Variants in NBAS observed in about 807,000 individuals in gnomAD.
NBAS encodes NBAS subunit of NRZ tethering complex, also known as NAG/BC035112 fusion.
NBAS carries 219 observed loss-of-function variants against 302.5 expected under a neutral mutation model. The observed-to-expected ratio is 0.72, with a 90% confidence interval of 0.65 to 0.81. The LOEUF (loss-of-function observed/expected upper bound fraction) is 0.81, where lower values mean the gene tolerates loss of function less well. Ranked by LOEUF, NBAS falls within the 30% of genes least tolerant of loss-of-function variation. NBAS has a pLI of 0.00. For synonymous variants in NBAS, 1,118 were observed against 1,021.6 expected, an observed-to-expected ratio of 1.09 and a Z score of -1.80; for missense variants, 2,932 against 2,841.6, an observed-to-expected ratio of 1.03 and a Z score of -0.72.
intron 11 of NBAS, among the ~76,000 whole-genome samples, chr2:15,491,461 G>A (rs576640972): frequency 6.6e-6 from 1 of 152,312 alleles, no homozygotes; most frequent in South Asian, 2.1e-4. Context: ...GGTTGGCCAG[G>A]CGCAGTGGCT....
At chr2:15,002,304 A>C in the NBAS span, among the ~76,000 whole-genome samples, 5 of 152,156 alleles carry the variant, frequency 3.3e-5, no homozygotes, top group African/African-American at 9.7e-5. Context: ...GCCCCACCAG[A>C]GTAGCTAGAT....
At chr2:15,315,590 T>C (rs1316650110) in intron 38 of NBAS, among the ~76,000 whole-genome samples, 2 of 152,226 alleles carry the variant, frequency 1.3e-5, no homozygotes, top group African/African-American at 2.4e-5. Flanking sequence ...CTCAGCCAGC[T>C]GTTTCTGGCC....
the NBAS span, among the ~76,000 whole-genome samples, chr2:15,153,186 C>G: frequency 6.6e-6 from 1 of 152,242 alleles, no homozygotes; most frequent in Non-Finnish European, 1.5e-5. Context: ...TGTCAAAAAT[C>G]TACCCATGAT....
the NBAS span, among the ~76,000 whole-genome samples, chr2:14,871,941 G>T: frequency 6.6e-6 from 1 of 152,046 alleles, no homozygotes; most frequent in Admixed American, 6.6e-5. Flanking sequence ...TGTAGACAGA[G>T]ATTGTCAAAT....
chr2:15,483,725 TACTC>T (rs1462444710), intron 12 of NBAS, among the ~76,000 whole-genome samples: 1 of 152,086 alleles, frequency 6.6e-6, no homozygotes, highest in African/African-American at 2.4e-5. Flanking sequence ...ACAGAGAAAA[TACTC>T]AATCACACAA....
the NBAS span, chr2:14,890,545 C>T: frequency 6.6e-6 from 1 of 152,176 alleles, no homozygotes; most frequent in South Asian, 2.1e-4. Flanking sequence ...AGGCCAGGCA[C>T]AGTGGCTCAT....
intron 41 of NBAS, among the ~76,000 whole-genome samples, chr2:15,290,608 C>T (rs1670264058): frequency 6.6e-6 from 1 of 152,168 alleles, no homozygotes; most frequent in Non-Finnish European, 1.5e-5. Context: ...CAAAAGCATA[C>T]TGGACTTAAG....
chr2:15,217,595 C>A (rs933059014), intron 48 of NBAS, among the ~76,000 whole-genome samples: 7 of 152,204 alleles, frequency 4.6e-5, no homozygotes. Flanking sequence ...CTGGGAAGTC[C>A]TAATTTGTAA....
chr2:14,780,508 A>G, the NBAS span, among the ~76,000 whole-genome samples: 1 of 152,274 alleles, frequency 6.6e-6, no homozygotes, highest in Non-Finnish European at 1.5e-5. Context: ...AAACATAAGC[A>G]TAAAAGTTCT....
At chr2:15,100,409 CAT>C in the NBAS span, among the ~76,000 whole-genome samples, 58 of 152,172 alleles carry the variant, frequency 3.8e-4, no homozygotes, top group Non-Finnish European at 1.0e-4. Flanking sequence ...GGCAAAGAAA[CAT>C]AAGCTGCGGG....
At chr2:15,040,510 A>T in the NBAS span, among the ~76,000 whole-genome samples, 1 of 152,198 alleles carries the variant, frequency 6.6e-6, no homozygotes, top group Non-Finnish European at 1.5e-5. Flanking sequence ...AAAAAAATCA[A>T]AGGAAAAGCT....
the NBAS span, among the ~76,000 whole-genome samples, chr2:14,811,417 A>C: frequency 6.6e-5 from 10 of 152,184 alleles, no homozygotes; most frequent in African/African-American, 2.4e-4. Context: ...CTCTAGAAAA[A>C]AAAAGAATAA....
chr2:15,056,089 G>A, the NBAS span, among the ~76,000 whole-genome samples: 1 of 94,474 alleles, frequency 1.1e-5, no homozygotes, highest in East Asian at 3.0e-4. Flanking sequence ...ATTTTTTAGA[G>A]TCTCCTGGAA....
the NBAS span, among the ~76,000 whole-genome samples, chr2:15,031,344 T>C: frequency 2.0e-5 from 3 of 152,190 alleles, no homozygotes; most frequent in Non-Finnish European, 2.9e-5. Flanking sequence ...TTAAGAACCA[T>C]AATCTCAACA....
the NBAS span, among the ~76,000 whole-genome samples, chr2:14,828,219 T>C: frequency 1.3e-5 from 2 of 152,068 alleles, no homozygotes; most frequent in South Asian, 4.2e-4. Flanking sequence ...TAAAAGACAA[T>C]TTTAGAATGT....
chr2:15,558,679 G>A (rs937206273), intron 1 of NBAS, 45 bp from the exon 2 acceptor site: 3 of 1,380,360 alleles, frequency 2.2e-6, no homozygotes, highest in Non-Finnish European at 3.1e-6. Context: ...TCTTCTAGTA[G>A]TATTAGACCA....
At chr2:15,406,103 T>TTA (rs1553306495) in intron 25 of NBAS, among the ~76,000 whole-genome samples, 3 of 115,060 alleles carry the variant, frequency 2.6e-5, no homozygotes, top group African/African-American at 1.1e-4. Flanking sequence ...CAATAACATG[T>TTA]AAAAAAAAAA....
At chr2:15,548,093 A>T (rs1184002571) in intron 6 of NBAS, among the ~76,000 whole-genome samples, 2 of 152,234 alleles carry the variant, frequency 1.3e-5, no homozygotes, top group Non-Finnish European at 2.9e-5. Context: ...AAATACATGT[A>T]CACTTTTGTG....
intron 40 of NBAS, among the ~76,000 whole-genome samples, chr2:15,305,538 G>A (rs944804923): frequency 2.2e-4 from 31 of 141,884 alleles, no homozygotes; most frequent in African/African-American, 7.3e-4. Context: ...TGCAACCTCC[G>A]CCTCCCAGAT....
Sources: allele counts gnomAD v4.1 joint callset (sites outside exome capture counted in the v4.1 genomes callset), GRCh38; gene constraint gnomAD v4.1.1; transcripts MANE v1.5; gene names NCBI Gene and HGNC (gene_info 2026-07-23, HGNC 2026-07-21).